Variants in KLF13 observed in about 807,000 individuals in gnomAD.
KLF13 encodes the protein Krueppel-like factor 13.
KLF13 carries 8 observed loss-of-function variants against 16.7 expected under a neutral mutation model. The observed-to-expected ratio is 0.48, with a 90% CI of 0.28 to 0.87. KLF13 has a LOEUF of 0.87. Among genes scored for constraint, KLF13 ranks in the 40% least tolerant of loss-of-function variants. The probability of loss-of-function intolerance (pLI) is 0.10; values close to 1 mark genes in which losing one functional copy is unlikely to be tolerated. For synonymous variants in KLF13, 245 were observed against 208.4 expected, an observed-to-expected ratio of 1.18 and a Z score of -1.51; for missense variants, 447 against 452.2, an observed-to-expected ratio of 0.99 and a Z score of 0.10.
At chr15:31,433,803 A>G (rs2040499348) in intron 1 of KLF13, among the ~76,000 whole-genome samples, 1 of 152,212 alleles carries the variant, frequency 6.6e-6, no homozygotes, top group Non-Finnish European at 1.5e-5. Context: ...GCTCCATGCA[A>G]GGGACATCAG....
At chr15:31,383,594 G>A (rs2039754654) in intron 1 of KLF13, among the ~76,000 whole-genome samples, 1 of 152,190 alleles carries the variant, frequency 6.6e-6, no homozygotes, top group Non-Finnish European at 1.5e-5. Context: ...TTAAAAGAAA[G>A]TTATCTGTTA....
At chr15:31,415,606 C>T (rs1388066964) in intron 1 of KLF13, among the ~76,000 whole-genome samples, 4 of 152,084 alleles carry the variant, frequency 2.6e-5, no homozygotes, top group East Asian at 1.9e-4. Context: ...AACGAAGATA[C>T]GACATCCCCA....
At chr15:31,346,552 C>T (rs1274303454) in intron 1 of KLF13, among the ~76,000 whole-genome samples, 1 of 152,230 alleles carries the variant, frequency 6.6e-6, no homozygotes, top group African/African-American at 2.4e-5. Flanking sequence ...CAGGCCAGAG[C>T]CCCAAGGCCT....
chr15:31,427,639 T>G (rs777879084), intron 1 of KLF13, among the ~76,000 whole-genome samples: 2 of 152,226 alleles, frequency 1.3e-5, no homozygotes, highest in Admixed American at 6.5e-5. Context: ...TTTCTCACAC[T>G]GTTATAAAGA....
chr15:31,333,657 C>T (rs767029436), intron 1 of KLF13, among the ~76,000 whole-genome samples: 2 of 151,976 alleles, frequency 1.3e-5, no homozygotes, highest in Admixed American at 6.6e-5. Flanking sequence ...TTATCTGATA[C>T]GCAGTCCATA....
At chr15:31,349,407 G>A (rs1418328901) in intron 1 of KLF13, among the ~76,000 whole-genome samples, 4 of 152,254 alleles carry the variant, frequency 2.6e-5, no homozygotes, top group African/African-American at 4.8e-5. Flanking sequence ...TGCCCTGTCA[G>A]GCAGTAGTGG....
intron 1 of KLF13, among the ~76,000 whole-genome samples, chr15:31,383,932 A>G (rs940579247): frequency 1.3e-5 from 2 of 151,994 alleles, no homozygotes; most frequent in African/African-American, 4.8e-5. Context: ...AATAAAATAA[A>G]ATAAAAATAT....
chr15:31,392,660 G>T (rs984740350), upstream of KLF13, among the ~76,000 whole-genome samples: 1 of 152,218 alleles, frequency 6.6e-6, no homozygotes, highest in African/African-American at 2.4e-5. Context: ...GGAGGAAGGA[G>T]CCAGTGACTT....
At chr15:31,335,536 A>G (rs1234514586) in intron 1 of KLF13, among the ~76,000 whole-genome samples, 1 of 151,922 alleles carries the variant, frequency 6.6e-6, no homozygotes, top group Non-Finnish European at 1.5e-5. Flanking sequence ...CCAGAAACAC[A>G]GCCTTGACCA....
chr15:31,328,310 G>A (rs2038758920), intron 1 of KLF13, among the ~76,000 whole-genome samples: 1 of 151,806 alleles, frequency 6.6e-6, no homozygotes, highest in Admixed American at 6.5e-5. Context: ...GGTTTCCTTC[G>A]CCACTCGGCA....
Position 31,343,096 on chromosome 15 carries a change from G to A in KLF13, c.577+15307G>A, listed in dbSNP as rs114780378. 3.1e-3 allele frequency among the ~76,000 whole-genome samples: 475 copies of A among 152,336 alleles called. 2 individuals carry two copies. The highest frequency in any genetic ancestry group is 0.011 in the African/African-American group (456 of 41,580). On this transcript the variant is annotated intron_variant, in intron 1 of 1. Transcript: ENST00000307145. ...TGCTTGGGGAGAGGAGGACGCCGAG[G>A]CACATACTGTCTCCGTGCTCTGCTC...
intron 1 of KLF13, among the ~76,000 whole-genome samples, chr15:31,413,203 C>A (rs28859058): frequency 0.79 from 102,447 of 129,092 alleles, 42,717 homozygotes; most frequent in East Asian, 0.97. Flanking sequence ...AAAAAAAAAA[C>A]AAAAAACAAA....
chr15:31,366,744 C>CCCTGTGCTCACTGTGTGCCCG (rs1273898893), intron 1 of KLF13, among the ~76,000 whole-genome samples: 1 of 152,262 alleles, frequency 6.6e-6, no homozygotes, highest in Non-Finnish European at 1.5e-5. Context: ...CTGTGTGCCC[C>CCCTGTGCTCACTGTGTGCCCG]CCTGTGCTCA....
intron 1 of KLF13, among the ~76,000 whole-genome samples, chr15:31,422,138 A>C (rs1455348020): frequency 9.3e-5 from 12 of 128,776 alleles, no homozygotes; most frequent in Non-Finnish European, 1.4e-4. Context: ...CAAACAAAAA[A>C]AAAAAAAAAA....
chr15:31,366,740 G>GCCCCCCTGTGCTCACTGTGTA (rs1236912743), intron 1 of KLF13, among the ~76,000 whole-genome samples: 2 of 152,328 alleles, frequency 1.3e-5, no homozygotes, highest in Non-Finnish European at 2.9e-5. Context: ...CTCACTGTGT[G>GCCCCCCTGTGCTCACTGTGTA]CCCCCCTGTG....
In KLF13 at chr15:31,371,741, T is replaced by C. The variant is rs4779870; in HGVS notation, c.578-269T>C. Among the ~76,000 whole-genome samples the C allele has an allele frequency of 4.9e-3, 749 of 152,350 alleles. 4 individuals are homozygous for C. The highest frequency in any genetic ancestry group is 0.014 in the Middle Eastern group (4 of 294). On this transcript the variant is annotated intron_variant, in intron 1 of 1. Coordinates refer to ENST00000307145, the MANE Select transcript of KLF13 (RefSeq NM_015995.4). ...CTGCCAGGAGCCTGGGGCCCTGACC[T>C]GTACCTACCCATGGGCCCTGCAGCT...
intron 1 of KLF13, chr15:31,340,039 C>G: frequency 1.4e-6 from 1 of 702,288 alleles, no homozygotes; most frequent in Non-Finnish European, 2.6e-6. Context: ...TAGGGCTGAC[C>G]CAGGTTGCCC....
At chr15:31,387,311 C>G (rs1009991893) in intron 1 of KLF13, among the ~76,000 whole-genome samples, 1 of 152,150 alleles carries the variant, frequency 6.6e-6, no homozygotes, top group Non-Finnish European at 1.5e-5. Flanking sequence ...CAACCACCAC[C>G]CTGATCAGTC....
At chr15:31,388,993 T>C (rs1346012190), upstream of KLF13, among the ~76,000 whole-genome samples, 1 of 152,102 alleles carries the variant, frequency 6.6e-6, no homozygotes, top group Non-Finnish European at 1.5e-5. Flanking sequence ...TACACTGGCT[T>C]CCTAATATGA....
Sources: gnomAD v4.1 joint callset for allele counts (sites outside exome capture counted in the v4.1 genomes callset) on GRCh38, gnomAD v4.1.1 for gene constraint, MANE v1.5 for transcripts, NCBI Gene and HGNC (gene_info 2026-07-23, HGNC 2026-07-21) for gene names.